The following KLC3 variants were observed in gnomAD, a reference collection of about 807,000 sequenced individuals.
KLC3 encodes kinesin light chain 2.
In KLC3, 72 loss-of-function variants were observed where a neutral mutation model predicts 62.9. That is an observed-to-expected ratio of 1.15 (90% confidence interval 0.95 to 1.39). The LOEUF is 1.39. Ranked by LOEUF, KLC3 falls within the 40% of genes most tolerant of loss-of-function variation. KLC3 has a pLI of 0.00. For synonymous variants in KLC3, 377 were observed against 300.5 expected, an observed-to-expected ratio of 1.25 and a Z score of -2.63; for missense variants, 848 against 691.6, an observed-to-expected ratio of 1.23 and a Z score of -2.54.
At chr19:45,349,646 T>G in intron 8 of KLC3, 44 bp downstream of exon 8, 1 of 1,397,096 alleles carries the variant, frequency 7.2e-7, no homozygotes, top group South Asian at 1.3e-5. Flanking sequence ...TGGAGGGTCC[T>G]GCCCTGGGGA....
At chr19:45,345,864 G>A (rs776371397) in intron 2 of KLC3, 65 bp downstream of exon 2, 52 of 1,469,588 alleles carry the variant, frequency 3.5e-5, no homozygotes, top group Non-Finnish European at 4.6e-5. Flanking sequence ...GGCCAGGCAT[G>A]AGGGGGACAG....
At chr19:45,347,325 A>G in intron 3 of KLC3, 122 bp from the exon 4 acceptor site, 2 of 702,894 alleles carry the variant, frequency 2.8e-6, no homozygotes, top group South Asian at 3.7e-5. Context: ...CTGTGCAACA[A>G]GCGAAACTCC....
intron 12 of KLC3, 81 bp from the exon 13 acceptor site, chr19:45,351,205 C>T (rs1162929204): frequency 3.8e-6 from 6 of 1,585,946 alleles, no homozygotes; most frequent in Non-Finnish European, 5.1e-6. Context: ...AGTTGGCTGC[C>T]AGGCTGGACC....
At chr19:45,351,265 A>C (rs760046677) in intron 12 of KLC3, 21 bp from the exon 13 acceptor site, 6 of 1,610,464 alleles carry the variant, frequency 3.7e-6, no homozygotes, top group Non-Finnish European at 4.2e-6. Context: ...CCCTCCAACC[A>C]TCCCCTGTGC....
intron 1 of KLC3, chr19:45,345,282 A>C (rs1426618731): frequency 5.0e-6 from 3 of 599,688 alleles, no homozygotes; most frequent in East Asian, 5.6e-5. Context: ...AACTGTCCTC[A>C]GGGCAGAACC....
chr19:45,345,656 G>A lies in KLC3; in HGVS notation c.115G>A (p.Ala39Thr). 1 of 1,583,998 alleles carries A rather than the reference G, an allele frequency of 6.3e-7. No homozygotes were observed. Among genetic ancestry groups the A allele is most frequent in the Non-Finnish European group, 8.6e-7 (1 of 1,166,582 alleles). The part of the protein sequence containing the change: ...QVVQGLEALR[A>T]EHHGLAGHLA... Reference sequence around the variant, plus strand: ...GGTCCAGGGGCTGGAGGCGCTGCGGGCAGAGCACCATGGCCTGGCTGGGCA... The same window carrying A: ...GGTCCAGGGGCTGGAGGCGCTGCGGACAGAGCACCATGGCCTGGCTGGGCA... The change falls in exon 2 of 13, where the codon GCA (alanine) becomes ACA (threonine). Residue 39 changes from alanine (A) to threonine (T), a missense_variant. Physicochemically the swap from Ala to Thr is moderately conservative, Grantham distance 58 (BLOSUM62 0). Transcript: ENST00000391946.
Position 45,350,982 on chromosome 19 carries a change from C to T in KLC3, c.1408C>T (p.Leu470=), listed in dbSNP as rs777728101. ...GMKRAMSLNT[L]NVDAPRAPGT... ...GAAGAGAGCCATGTCACTCAACACA[C>T]TGAACGTGGATGCTCCAAGGGCTCC... is the stretch of plus-strand genomic sequence containing the variant. Residue 470 remains leucine (L), a synonymous_variant, in exon 12 of 13, where the codon CTG becomes TTG. Transcript: ENST00000391946. 3 of 1,614,150 alleles carry T rather than the reference C, an allele frequency of 1.9e-6. No individual in the cohort carries two copies. The highest frequency in any genetic ancestry group is 1.1e-5 in the South Asian group (1 of 91,086).
chr19:45,350,421 C>T lies in KLC3; in HGVS notation c.1224C>T (p.Pro408=), dbSNP rs376199766. Residue 408 remains proline (P), a synonymous_variant, in exon 9 of 13, where the codon CCC becomes CCT. Coordinates refer to ENST00000391946, the MANE Select transcript of KLC3 (RefSeq NM_177417.3). ...AAATCCTCCACAAGGAGGACCTACC[C>T]GCCCCTCTCGGTGAGCCCCTAGCCC... ...YKEILHKEDL[P]APLGAPNTGT... 186 of 1,613,874 alleles carry T rather than the reference C, an allele frequency of 1.2e-4. No individual in the cohort carries two copies. Among genetic ancestry groups the T allele is most frequent in the Middle Eastern group, 4.9e-4 (3 of 6,062 alleles).
chr19:45,346,419 T>C (rs1443599819), intron 2 of KLC3, 125 bp from the exon 3 acceptor site: 5 of 838,486 alleles, frequency 6.0e-6, no homozygotes, highest in Non-Finnish European at 9.0e-6. Flanking sequence ...GCAGAGTCTC[T>C]GCAGAATCTG....
chr19:45,342,363 G>T (rs1346493317), intron 1 of KLC3, among the ~76,000 whole-genome samples: 2 of 152,056 alleles, frequency 1.3e-5, no homozygotes, highest in African/African-American at 4.8e-5. Flanking sequence ...AGGCGGCGGG[G>T]ATTGCTTGAA....
At chr19:45,341,577 G>T (rs1235654534) in intron 1 of KLC3, among the ~76,000 whole-genome samples, 2 of 139,848 alleles carry the variant, frequency 1.4e-5, no homozygotes, top group Non-Finnish European at 3.1e-5. Flanking sequence ...GTGTGTGTGT[G>T]TGCGCGCGCG....
Position 45,349,470 on chromosome 19 carries a change from C to T in KLC3, c.1011C>T (p.Asn337=), listed in dbSNP as rs1253748215. 1.2e-6 allele frequency: 2 copies of T among 1,613,236 alleles called. No homozygotes were observed. Among genetic ancestry groups the T allele is most frequent in the African/African-American group, 2.7e-5 (2 of 74,922 alleles). The change falls in exon 8 of 13, where the codon AAC becomes AAT. Residue 337 remains asparagine, a synonymous_variant. Coordinates refer to ENST00000391946, the MANE Select transcript of KLC3 (RefSeq NM_177417.3). The part of the protein sequence containing the change: ...ADHPDVAKQL[N]NLALLCQNQG... ...ACCCAGATGTGGCCAAGCAGCTCAA[C>T]AACCTGGCCCTGCTGTGCCAGAACC...
chr19:45,347,211 A>G lies in KLC3; in HGVS notation c.490-236A>G, dbSNP rs111904044. The G allele has an allele frequency of 1.7e-3, 862 of 509,744 alleles. 6 individuals are homozygous for G. The highest frequency in any genetic ancestry group is 0.015 in the African/African-American group (741 of 50,956). The allele number at this position is 509,744 out of a possible 1,614,324, so 31.6% of individuals were successfully genotyped here. A position where few individuals can be genotyped will look rare whatever the true frequency, so the allele number is the denominator to read the frequency against. On this transcript the variant is annotated intron_variant, in intron 3 of 12. Coordinates refer to ENST00000391946, the MANE Select transcript of KLC3 (RefSeq NM_177417.3). ...TACAAAATTAGCCGGGTGTGGTGGC[A>G]CATGCCTGTAATCCCAGCTACTCCG... is the stretch of plus-strand genomic sequence containing the variant.
rs560472046 is a variant in KLC3, at chr19:45,343,008, GCTCT to G, written c.-9+2165_-9+2168del. ...TGGCATCCCTCCACGCGTATTCACAGCTCTCTGTTCCGACAGTGGAGCTGAATCT... is the reference window on the plus strand; with the variant it reads ...TGGCATCCCTCCACGCGTATTCACAGCTGTTCCGACAGTGGAGCTGAATCT... On this transcript the variant is annotated intron_variant, in intron 1 of 12. Coordinates refer to ENST00000391946, the MANE Select transcript of KLC3 (RefSeq NM_177417.3). 4.5e-4 allele frequency among the ~76,000 whole-genome samples: 69 copies of G among 152,336 alleles called. 1 individual carries two copies. In the East Asian group the frequency reaches 0.012, roughly 26 times the overall value.
intron 12 of KLC3, 109 bp from the exon 13 acceptor site, chr19:45,351,177 G>A (rs1971748995): frequency 1.3e-6 from 2 of 1,585,420 alleles, no homozygotes; most frequent in Non-Finnish European, 1.7e-6. Context: ...ACTTGGGGTA[G>A]AGGCGAGGGG....
At position 45,348,151 on chromosome 19, in the gene KLC3, T is replaced by A. The variant is rs370748370; in HGVS notation, c.770T>A (p.Leu257Gln). 1 of 1,590,184 alleles carries A rather than the reference T, an allele frequency of 6.3e-7. No homozygotes were observed. Among genetic ancestry groups the A allele is most frequent in the Admixed American group, 1.7e-5 (1 of 57,316 alleles). The part of the protein sequence containing the change: ...DVATMLNILA[L>Q]VYRDQNKYKE... ...GCCACCATGCTCAACATCCTGGCGC[T>A]GGTGTACCGGTGAGCACTGCGGCCA... The change falls in exon 5 of 13, where the codon CTG becomes CAG. Residue 257 changes from leucine (L) to glutamine (Q), a missense_variant. By Grantham distance (113) the Leu-to-Gln change is moderately radical (BLOSUM62 -2). Transcript: ENST00000391946.
Position 45,347,477 on chromosome 19 carries a change from C to T in KLC3, c.520C>T (p.Leu174=). The change falls in exon 4 of 13, where the codon CTG becomes TTG. Residue 174 remains leucine (L), a synonymous_variant. Transcript: ENST00000391946. ...QSESPPRRDS[L]ASLFPSEEEE... ...TGAGTCCCCGCCTCGCCGAGACAGC[C>T]TGGCCTCCCTGTTCCCCAGCGAGGA... The T allele has an allele frequency of 6.2e-7, 1 of 1,612,956 alleles. No homozygotes were observed. Among genetic ancestry groups the T allele is most frequent in the Middle Eastern group, 1.7e-4 (1 of 6,046 alleles).
chr19:45,342,778 A>G (rs1309021105), intron 1 of KLC3, among the ~76,000 whole-genome samples: 1 of 152,146 alleles, frequency 6.6e-6, no homozygotes, highest in Non-Finnish European at 1.5e-5. Context: ...AAAAAATAAA[A>G]TTAAATTTTT....
In KLC3 at chr19:45,351,026, G is replaced by GAC; in HGVS notation, c.1443+11_1443+12dup. On this transcript the variant is annotated intron_variant, in intron 12 of 12. Coordinates refer to ENST00000391946, the MANE Select transcript of KLC3 (RefSeq NM_177417.3). ...GGGCTCCTGGGACTCAGGTGAGGGG[G>GAC]ACATCTGGGTCAAAAATAGAGGAGG... is the stretch of plus-strand genomic sequence containing the variant. 1 of 1,614,110 alleles carries GAC rather than the reference G, an allele frequency of 6.2e-7. No homozygotes were observed. The highest frequency in any genetic ancestry group is 1.3e-5 in the African/African-American group (1 of 75,030).
Sources: allele counts gnomAD v4.1 joint callset (sites outside exome capture counted in the v4.1 genomes callset), GRCh38; gene constraint gnomAD v4.1.1; transcripts MANE v1.5; gene names NCBI Gene and HGNC (gene_info 2026-07-23, HGNC 2026-07-21).